Variants in TESPA1 observed in about 807,000 individuals in gnomAD.
TESPA1 encodes protein TESPA1.
A neutral mutation model predicts 57.9 loss-of-function variants in TESPA1; 33 were observed. The ratio of observed to expected loss-of-function variants is 0.57; its 90% confidence interval spans 0.43 to 0.76. The LOEUF is 0.76. Ranked by LOEUF, TESPA1 falls within the 30% of genes least tolerant of loss-of-function variation. The pLI, the probability that TESPA1 is intolerant of heterozygous loss-of-function variation, is 0.00. For synonymous variants in TESPA1, 227 were observed against 228.9 expected (o/e 0.99, Z 0.07); for missense variants, 618 against 632.9 (o/e 0.98, Z 0.25).
chr12:54,975,789 T>C (rs1346844184), intron 1 of TESPA1, among the ~76,000 whole-genome samples: 1 of 152,206 alleles, frequency 6.6e-6, no homozygotes, highest in Non-Finnish European at 1.5e-5. Context: ...TCCAACAAAA[T>C]AGGCATTAAA....
rs755869448 is a variant in TESPA1, at chr12:54,967,840, C to T, written c.256+3G>A. ...AAAATAGATGGACAGAACCTATACT[C>T]ACCATTGTAGATAAACTGTCCTGCT... is the stretch of plus-strand genomic sequence containing the variant. On this transcript the variant is annotated splice_donor_region_variant and intron_variant, in intron 4 of 10. Coordinates refer to ENST00000449076, the MANE Select transcript of TESPA1 (RefSeq NM_001136030.3). The T allele has an allele frequency of 1.2e-6, 2 of 1,613,680 alleles. No individual in the cohort carries two copies. The highest frequency in any genetic ancestry group is 1.1e-5 in the South Asian group (1 of 91,068).
intron 1 of TESPA1, among the ~76,000 whole-genome samples, chr12:54,982,229 A>G (rs986442981): frequency 2.0e-5 from 3 of 152,162 alleles, no homozygotes; most frequent in Non-Finnish European, 4.4e-5. Flanking sequence ...ACCCTCTTCC[A>G]TGTCACTCAG....
At chr12:54,950,566 T>A (rs1950318843) in intron 10 of TESPA1, among the ~76,000 whole-genome samples, 176 bp from the exon 11 acceptor site, 1 of 152,192 alleles carries the variant, frequency 6.6e-6, no homozygotes, top group Non-Finnish European at 1.5e-5. Flanking sequence ...TCTGCTCTTT[T>A]CATCATGAGG....
At chr12:54,973,337 C>T in intron 3 of TESPA1, 140 bp downstream of exon 3, 1 of 1,256,730 alleles carries the variant, frequency 8.0e-7, no homozygotes, top group Non-Finnish European at 1.1e-6. Context: ...CAACACCCCT[C>T]CAACCACCAT....
upstream of TESPA1, chr12:54,984,868 T>G (rs949747559): frequency 6.6e-6 from 1 of 152,192 alleles, no homozygotes; most frequent in Non-Finnish European, 1.5e-5. Flanking sequence ...GGACAAACCA[T>G]CCGTAGACAC....
rs112372429 is a variant in TESPA1, at chr12:54,978,008, GT to G, written c.-45-3402del. 1.1e-3 allele frequency among the ~76,000 whole-genome samples: 166 copies of G among 147,574 alleles called. 2 individuals carry two copies. In the East Asian group the frequency reaches 0.024, roughly 21 times the overall value. ...CTGTACTGCTGGGAGACAAGAAACC[GT>G]TTTTTTTTTGTTTTTTTTTCTGTGG... is the stretch of plus-strand genomic sequence containing the variant. On this transcript the variant is annotated intron_variant, in intron 1 of 10. Transcript: ENST00000449076.
chr12:54,953,650 C>T (rs942278619), intron 10 of TESPA1, among the ~76,000 whole-genome samples: 23 of 151,828 alleles, frequency 1.5e-4, no homozygotes, highest in African/African-American at 4.8e-4. Flanking sequence ...TCCCGAGTAG[C>T]TGGGACTACA....
At chr12:54,977,792 A>G (rs2136205156) in intron 1 of TESPA1, among the ~76,000 whole-genome samples, 1 of 152,350 alleles carries the variant, frequency 6.6e-6, no homozygotes, top group Non-Finnish European at 1.5e-5. Context: ...GGTAGATCTA[A>G]GCTAATCTTC....
rs1317573649 is a variant in TESPA1, at chr12:54,953,990, CTTAT to C, written c.*2-3604_*2-3601del. On this transcript the variant is annotated intron_variant, in intron 10 of 10. Transcript: ENST00000449076. ...TCAAAGCATCCTGTGAACATTTCTG[CTTAT>C]TCTGTATAATGCTTCTCTTGCTGGT... Among the ~76,000 whole-genome samples the C allele has an allele frequency of 2.0e-5, 3 of 152,310 alleles. No individual in the cohort carries two copies. The East Asian group carries it at 5.8e-4, about 29-fold the overall frequency.
In TESPA1 at chr12:54,955,266, T is replaced by C. The variant is rs373786865; in HGVS notation, c.*2-4876A>G. Among the ~76,000 whole-genome samples the C allele has an allele frequency of 7.2e-5, 11 of 152,318 alleles. No individual in the cohort carries two copies. The East Asian group carries it at 1.5e-3, about 21-fold the overall frequency. On this transcript the variant is annotated intron_variant, in intron 10 of 10. Coordinates refer to ENST00000449076, the MANE Select transcript of TESPA1 (RefSeq NM_001136030.3). ...ATAATTCCAAAATATATGAGAAACT[T>C]CTTCAACTTAATAACAAAACAAACA...
intron 2 of TESPA1, 200 bp from the exon 3 acceptor site, chr12:54,973,719 T>C: frequency 7.5e-7 from 1 of 1,338,788 alleles, no homozygotes; most frequent in Non-Finnish European, 9.5e-7. Flanking sequence ...CTCTGCTTCT[T>C]TTCTCCCTTC....
At chr12:54,976,782 TG>T (rs1366488490) in intron 1 of TESPA1, among the ~76,000 whole-genome samples, 2 of 152,104 alleles carry the variant, frequency 1.3e-5, no homozygotes, top group Non-Finnish European at 2.9e-5. Context: ...GAAATGGAGG[TG>T]GGGGGTTTCA....
At chr12:54,983,688 C>A (rs1004590713) in intron 1 of TESPA1, among the ~76,000 whole-genome samples, 1 of 152,116 alleles carries the variant, frequency 6.6e-6, no homozygotes, top group Non-Finnish European at 1.5e-5. Context: ...CTTGCCCTGC[C>A]CTGGGGACCC....
rs1347509041 is a variant in TESPA1, at chr12:54,963,964, GT to G, written c.447-15del. The G allele has an allele frequency of 1.2e-6, 2 of 1,610,054 alleles. No individual in the cohort carries two copies. Among genetic ancestry groups the G allele is most frequent in the African/African-American group, 2.7e-5 (2 of 74,850 alleles). On this transcript the variant is annotated splice_polypyrimidine_tract_variant and intron_variant, in intron 7 of 10. Transcript: ENST00000449076. ...ATTTCTGAGATGCTGAAATGAGGGA[GT>G]TTGGGTAAATAAGGGACAACTTTGA...
At chr12:54,973,574 C>T (rs997535541) in intron 2 of TESPA1, 55 bp from the exon 3 acceptor site, 1 of 1,613,242 alleles carries the variant, frequency 6.2e-7, no homozygotes. Flanking sequence ...CAGACCTCCT[C>T]CCTGCAACTA....
At chr12:54,963,603 G>C (rs7973347) in intron 8 of TESPA1, 139 bp downstream of exon 8, 286,047 of 976,236 alleles carry the variant, frequency 0.29, 58,320 homozygotes, top group East Asian at 0.93. Context: ...CTTCACTGAA[G>C]ACAACATAAG....
intron 3 of TESPA1, among the ~76,000 whole-genome samples, chr12:54,973,190 C>T (rs542922369): frequency 2.8e-4 from 42 of 152,298 alleles, no homozygotes; most frequent in African/African-American, 1.0e-3. Flanking sequence ...GGGTCTGGAA[C>T]TCACCCCAAC....
chr12:54,956,676 T>C (rs534801684), intron 10 of TESPA1, among the ~76,000 whole-genome samples: 1 of 152,334 alleles, frequency 6.6e-6, no homozygotes, highest in African/African-American at 2.4e-5. Flanking sequence ...AAAAGGTGCC[T>C]GTTTGACTTC....
intron 10 of TESPA1, among the ~76,000 whole-genome samples, chr12:54,954,684 T>G (rs764291311): frequency 3.9e-5 from 6 of 152,224 alleles, no homozygotes; most frequent in Non-Finnish European, 8.8e-5. Context: ...TATAGCATTT[T>G]CAGAAATATT....
Sources: allele counts gnomAD v4.1 joint callset (sites outside exome capture counted in the v4.1 genomes callset), GRCh38; gene constraint gnomAD v4.1.1; transcripts MANE v1.5; gene names NCBI Gene and HGNC (gene_info 2026-07-23, HGNC 2026-07-21).